ZEB2: variants seen among roughly 807,000 people sequenced by gnomAD.
ZEB2 encodes zinc finger E-box-binding homeobox 2.
In ZEB2, 6 loss-of-function variants were observed where a neutral mutation model predicts 99.9. The ratio of observed to expected loss-of-function variants is 0.06; its 90% CI spans 0.03 to 0.12. The LOEUF is 0.12. Ranked by LOEUF, ZEB2 falls within the 10% of genes least tolerant of loss-of-function variation. The probability of loss-of-function intolerance (pLI) is 1.00; values close to 1 mark genes in which losing one functional copy is unlikely to be tolerated. For synonymous variants in ZEB2, 517 were observed against 542.5 expected (o/e 0.95, Z 0.65); for missense variants, 969 against 1,502.8 (o/e 0.64, Z 5.87).
chr2:144,479,683 TG>T (rs75706490), intron 2 of ZEB2, among the ~76,000 whole-genome samples: 14,224 of 52,804 alleles, frequency 0.27, 1,578 homozygotes, highest in East Asian at 0.44. Context: ...TACTTTTTTT[TG>T]GGGGGGGGGG....
chr2:144,479,390 C>A (rs1212744465), intron 2 of ZEB2, among the ~76,000 whole-genome samples: 1 of 152,132 alleles, frequency 6.6e-6, no homozygotes, highest in South Asian at 2.1e-4. Context: ...AGTTCACAGG[C>A]ACCCCTCACG....
At chr2:144,424,963 G>A (rs935942358) in intron 3 of ZEB2, 96 bp from the exon 4 acceptor site, 1 of 1,340,080 alleles carries the variant, frequency 7.5e-7, no homozygotes, top group Non-Finnish European at 1.1e-6. Context: ...TCTTTTAAAG[G>A]AAACAGAGAA....
chr2:144,503,052 A>G (rs1442855831), intron 2 of ZEB2, among the ~76,000 whole-genome samples: 1 of 152,222 alleles, frequency 6.6e-6, no homozygotes, highest in Non-Finnish European at 1.5e-5. Flanking sequence ...CTTTCAACCA[A>G]TGATCAAAGA....
chr2:144,440,187 G>C (rs557354731), intron 2 of ZEB2, among the ~76,000 whole-genome samples: 4 of 152,114 alleles, frequency 2.6e-5, no homozygotes, highest in Non-Finnish European at 5.9e-5. Context: ...AAGGTTCAGG[G>C]AGGCTGGAAC....
At chr2:144,507,207 G>C (rs1302730862) in intron 2 of ZEB2, among the ~76,000 whole-genome samples, 1 of 152,194 alleles carries the variant, frequency 6.6e-6, no homozygotes, top group Non-Finnish European at 1.5e-5. Context: ...TTATAGTAAA[G>C]TGTTGTGTGG....
rs1276589838 is a variant in ZEB2 at position 144,425,112 on chromosome 2, GA to G, written c.332-246del. Among the ~76,000 whole-genome samples, 7 of 152,316 alleles carry G rather than the reference GA, an allele frequency of 4.6e-5. No homozygotes were observed. In the South Asian group the frequency reaches 1.5e-3, roughly 32 times the overall value. ...ACAGAAGTGCTTATTTGGAGCAAATGAAGGGCTTTTCTTCTGGTGGCAGTTC... is the reference window on the plus strand; with the variant it reads ...ACAGAAGTGCTTATTTGGAGCAAATGAGGGCTTTTCTTCTGGTGGCAGTTC... On this transcript the variant is annotated intron_variant, in intron 3 of 9. Transcript: ENST00000627532.
chr2:144,442,385 A>C (rs977844694), intron 2 of ZEB2, among the ~76,000 whole-genome samples: 1 of 152,210 alleles, frequency 6.6e-6, no homozygotes, highest in Non-Finnish European at 1.5e-5. Flanking sequence ...CAGAATCTAT[A>C]TAAGTTCATG....
intron 4 of ZEB2, among the ~76,000 whole-genome samples, chr2:144,414,911 T>G (rs971207364): frequency 1.3e-4 from 20 of 151,886 alleles, no homozygotes; most frequent in Non-Finnish European, 2.9e-5. Flanking sequence ...ACAATGAATA[T>G]GGGGGGAAGT....
At chr2:144,503,573 G>GC (rs1704905137) in intron 2 of ZEB2, 1 of 151,926 alleles carries the variant, frequency 6.6e-6, no homozygotes, top group Admixed American at 6.6e-5. Flanking sequence ...AAAAACACCA[G>GC]CCCCCTCCCA....
chr2:144,406,784 TGA>T (rs1703394207), intron 4 of ZEB2, among the ~76,000 whole-genome samples: 1 of 152,202 alleles, frequency 6.6e-6, no homozygotes, highest in African/African-American at 2.4e-5. Context: ...CATTTTTAGA[TGA>T]CATCCTTGGC....
At chr2:144,425,273 C>T (rs1044409078) in intron 3 of ZEB2, among the ~76,000 whole-genome samples, 5 of 152,218 alleles carry the variant, frequency 3.3e-5, no homozygotes, top group Admixed American at 3.3e-4. Context: ...CAGAATTTCA[C>T]ATTTTGTTTT....
rs2149877923 is a variant in ZEB2 at position 144,401,172 on chromosome 2, G to A, written c.916+27C>T. 1.9e-6 allele frequency: 3 copies of A among 1,597,000 alleles called. No homozygotes were observed. In the South Asian group the frequency reaches 3.3e-5, roughly 18 times the overall value. Reference sequence around the variant, plus strand: ...TCCCCTAATTAAGTAAAATGCAAATGCGAGCTCCAGCACCTCTGCTACTCA... The same window carrying A: ...TCCCCTAATTAAGTAAAATGCAAATACGAGCTCCAGCACCTCTGCTACTCA... On this transcript the variant is annotated intron_variant, in intron 7 of 9. Transcript: ENST00000627532.
intron 2 of ZEB2, among the ~76,000 whole-genome samples, chr2:144,491,747 T>C (rs529779552): frequency 2.0e-5 from 3 of 152,362 alleles, no homozygotes; most frequent in Non-Finnish European, 4.4e-5. Flanking sequence ...TACATGCCCC[T>C]CTTCAGATAC....
chr2:144,518,380 G>A (rs1346166664), intron 1 of ZEB2: 3 of 152,180 alleles, frequency 2.0e-5, no homozygotes, highest in South Asian at 2.1e-4. Flanking sequence ...AGGAGAGGAG[G>A]AGAATCCTGA....
At chr2:144,404,421 G>T (rs1365037295) in intron 5 of ZEB2, among the ~76,000 whole-genome samples, 4 of 151,628 alleles carry the variant, frequency 2.6e-5, no homozygotes, top group African/African-American at 9.7e-5. Flanking sequence ...TTCTCTTTAG[G>T]TGACTGACAG....
In ZEB2 at chr2:144,442,289, T is replaced by C. The variant is rs185650060; in HGVS notation, c.74-12263A>G. 3.9e-5 allele frequency among the ~76,000 whole-genome samples: 6 copies of C among 152,292 alleles called. No homozygotes were observed. In the East Asian group the frequency reaches 9.6e-4, roughly 24 times the overall value. ...GTCACACTGTTGCATATATGCTCTT[T>C]TAGTGAAGAAATTCCTGATACAAGC... On this transcript the variant is annotated intron_variant, in intron 2 of 9. Transcript: ENST00000627532.
At chr2:144,420,344 C>T (rs1231174603) in intron 4 of ZEB2, among the ~76,000 whole-genome samples, 1 of 152,136 alleles carries the variant, frequency 6.6e-6, no homozygotes. Flanking sequence ...ATCCTCCAGC[C>T]TCGACCTCCT....
At chr2:144,475,943 G>A (rs991297474) in intron 2 of ZEB2, among the ~76,000 whole-genome samples, 3 of 152,090 alleles carry the variant, frequency 2.0e-5, no homozygotes, top group East Asian at 1.9e-4. Flanking sequence ...TGTTGGTTCC[G>A]TTTCTGAATA....
At chr2:144,422,145 T>C (rs919140884) in intron 4 of ZEB2, among the ~76,000 whole-genome samples, 1 of 152,242 alleles carries the variant, frequency 6.6e-6, no homozygotes, top group Non-Finnish European at 1.5e-5. Flanking sequence ...ATAACTACAG[T>C]GACTTCCAGT....
Sources: allele counts gnomAD v4.1 joint callset (sites outside exome capture counted in the v4.1 genomes callset), GRCh38; gene constraint gnomAD v4.1.1; transcripts MANE v1.5; gene names NCBI Gene and HGNC (gene_info 2026-07-23, HGNC 2026-07-21).